The following PPP2R2C variants were observed in gnomAD, a reference collection of about 807,000 sequenced individuals.
PPP2R2C encodes protein phosphatase 2, regulatory subunit B, gamma.
PPP2R2C carries 10 observed loss-of-function variants against 45.3 expected under a neutral mutation model. The observed-to-expected ratio is 0.22, with a 90% CI of 0.14 to 0.37. The LOEUF (loss-of-function observed/expected upper bound fraction) is 0.37. Among genes scored for constraint, PPP2R2C ranks in the 10% least tolerant of loss-of-function variants. The probability of loss-of-function intolerance (pLI) is 1.00; values close to 1 mark genes in which losing one functional copy is unlikely to be tolerated. For synonymous variants in PPP2R2C, 257 were observed against 245.4 expected (o/e 1.05, Z -0.44); for missense variants, 308 against 619.7 (o/e 0.50, Z 5.34).
chr4:6,531,098 G>A (rs528527792), intron 2 of PPP2R2C, among the ~76,000 whole-genome samples: 1 of 152,320 alleles, frequency 6.6e-6, no homozygotes, highest in African/African-American at 2.4e-5. Flanking sequence ...GCTGTGCCTG[G>A]TGGCACCAAA....
At chr4:6,429,354 C>T (rs556959033) in intron 1 of PPP2R2C, among the ~76,000 whole-genome samples, 17 of 152,314 alleles carry the variant, frequency 1.1e-4, no homozygotes, top group Admixed American at 1.1e-3. Context: ...AATCAATAAT[C>T]AATTAACAGT....
intron 1 of PPP2R2C, among the ~76,000 whole-genome samples, chr4:6,419,324 G>C (rs1034008922): frequency 1.3e-5 from 2 of 152,138 alleles, no homozygotes; most frequent in African/African-American, 4.8e-5. Context: ...TACTCGGGAG[G>C]CTAAGGCAGG....
chr4:6,404,554 T>C (rs539671104), intron 1 of PPP2R2C, among the ~76,000 whole-genome samples: 12 of 152,202 alleles, frequency 7.9e-5, no homozygotes, highest in African/African-American at 2.9e-4. Context: ...CTCTAAAGGT[T>C]TGGAGGGACG....
chr4:6,546,871 G>C (rs962205451), intron 1 of PPP2R2C, among the ~76,000 whole-genome samples: 1 of 152,202 alleles, frequency 6.6e-6, no homozygotes, highest in South Asian at 2.1e-4. Flanking sequence ...GGTCAGCCCG[G>C]AATCTTTGGA....
intron 5 of PPP2R2C, among the ~76,000 whole-genome samples, chr4:6,351,513 A>T (rs1371858130): frequency 6.6e-6 from 1 of 152,026 alleles, no homozygotes. Flanking sequence ...GGCTTTGGGG[A>T]GATAAAGTCT....
intron 2 of PPP2R2C, among the ~76,000 whole-genome samples, chr4:6,492,780 G>T (rs1231926349): frequency 2.0e-5 from 3 of 152,124 alleles, no homozygotes; most frequent in Non-Finnish European, 4.4e-5. Context: ...CTGGGGTTTG[G>T]AGAACACACA....
chr4:6,484,514 A>T (rs1722469698), intron 2 of PPP2R2C, among the ~76,000 whole-genome samples: 1 of 98,114 alleles, frequency 1.0e-5, no homozygotes, highest in Non-Finnish European at 2.1e-5. Flanking sequence ...TCAGTTTCTT[A>T]AAAAAAAAAA....
chr4:6,442,117 T>G (rs1720186634), intron 1 of PPP2R2C, among the ~76,000 whole-genome samples: 1 of 152,196 alleles, frequency 6.6e-6, no homozygotes, highest in Non-Finnish European at 1.5e-5. Context: ...AAATGGCCAG[T>G]GCCTTGGGTG....
chr4:6,360,570 C>A (rs1266794261), intron 5 of PPP2R2C, among the ~76,000 whole-genome samples: 1 of 152,206 alleles, frequency 6.6e-6, no homozygotes, highest in Admixed American at 6.5e-5. Context: ...CCAAGAGCCA[C>A]AAAAGGACTC....
At chr4:6,354,051 C>T (rs1712899605) in intron 5 of PPP2R2C, among the ~76,000 whole-genome samples, 1 of 148,522 alleles carries the variant, frequency 6.7e-6, no homozygotes, top group Admixed American at 6.7e-5. Flanking sequence ...AAGCCCTTCC[C>T]TTGTCCAGCC....
chr4:6,475,472 A>G (rs575901849), upstream of PPP2R2C, among the ~76,000 whole-genome samples: 5 of 152,276 alleles, frequency 3.3e-5, no homozygotes, highest in South Asian at 6.2e-4. Flanking sequence ...TACACTCGCC[A>G]TCTCCTCACT....
At chr4:6,327,003 GA>G (rs1168697114) in intron 8 of PPP2R2C, among the ~76,000 whole-genome samples, 1 of 152,232 alleles carries the variant, frequency 6.6e-6, no homozygotes. Context: ...CTGAGCCTCT[GA>G]GGCCCTGGAA....
At chr4:6,522,592 C>A (rs940967786) in intron 2 of PPP2R2C, among the ~76,000 whole-genome samples, 1 of 152,270 alleles carries the variant, frequency 6.6e-6, no homozygotes, top group African/African-American at 2.4e-5. Flanking sequence ...TGGATTCCCC[C>A]ACAGGAACCA....
chr4:6,538,916 C>T (rs753932771), intron 1 of PPP2R2C, among the ~76,000 whole-genome samples: 3 of 152,274 alleles, frequency 2.0e-5, no homozygotes, highest in African/African-American at 2.4e-5. Flanking sequence ...CCACAAATAT[C>T]GAGCCCGTTA....
chr4:6,498,915 A>G (rs1039923657), intron 2 of PPP2R2C, among the ~76,000 whole-genome samples: 1 of 152,082 alleles, frequency 6.6e-6, no homozygotes, highest in Non-Finnish European at 1.5e-5. Flanking sequence ...GCTAGACAGT[A>G]TCATATTCTT....
At chr4:6,438,293 T>G (rs766491558) in intron 1 of PPP2R2C, among the ~76,000 whole-genome samples, 4 of 152,212 alleles carry the variant, frequency 2.6e-5, no homozygotes, top group Non-Finnish European at 4.4e-5. Context: ...CCTTTCTCAG[T>G]GTGTTAATGT....
chr4:6,457,332 T>G (rs1239033928), intron 1 of PPP2R2C, among the ~76,000 whole-genome samples: 1 of 152,198 alleles, frequency 6.6e-6, no homozygotes, highest in Non-Finnish European at 1.5e-5. Context: ...TTAAAAAGTC[T>G]TTTATGGACA....
chr4:6,368,800 C>T lies in PPP2R2C; in HGVS notation c.625+3723G>A, dbSNP rs1325789393. 3.3e-5 allele frequency among the ~76,000 whole-genome samples: 5 copies of T among 152,172 alleles called. No homozygotes were observed. Among genetic ancestry groups the T allele is most frequent in the African/African-American group, 4.8e-5 (2 of 41,448 alleles). On this transcript the variant is annotated intron_variant, in intron 5 of 8. Transcript: ENST00000382599. This position sits in a 1 kb window ranked among gnomAD's most constrained non-coding sequence, Gnocchi z 4.2. ...CCTTGCTGGTTCCCAAGCCGCCAGC[C>T]TTGTCTGCTGGAATCCAATCCACCC...
intron 1 of PPP2R2C, chr4:6,383,111 A>C (rs921545004): frequency 1.8e-6 from 2 of 1,104,464 alleles, no homozygotes; most frequent in African/African-American, 3.3e-5. Context: ...AGCCGCAAAC[A>C]GAGATGCAAA....
Sources: allele counts gnomAD v4.1 joint callset (sites outside exome capture counted in the v4.1 genomes callset), GRCh38; gene constraint gnomAD v4.1.1; non-coding constraint Gnocchi (gnomAD v3.1); transcripts MANE v1.5; gene names NCBI Gene and HGNC (gene_info 2026-07-23, HGNC 2026-07-21).